Variants in OSBPL1A observed in about 807,000 individuals in gnomAD.
OSBPL1A encodes the protein oxysterol binding protein like 1A, also known as oxysterol-binding protein-related protein 1.
A neutral mutation model predicts 137.1 loss-of-function variants in OSBPL1A; 80 were observed. That is an observed-to-expected ratio of 0.58 (90% CI 0.49 to 0.70). The LOEUF (loss-of-function observed/expected upper bound fraction) is 0.70, where lower values mean the gene tolerates loss of function less well. Among genes scored for constraint, OSBPL1A ranks in the 30% least tolerant of loss-of-function variants. The pLI is 0.00. For synonymous variants in OSBPL1A, 365 were observed against 389.7 expected, an observed-to-expected ratio of 0.94 and a Z score of 0.75; for missense variants, 970 against 1,129.4, an observed-to-expected ratio of 0.86 and a Z score of 2.02.
intron 4 of OSBPL1A, chr18:24,364,718 G>T (rs919025997): frequency 6.6e-6 from 1 of 151,870 alleles, no homozygotes; most frequent in Non-Finnish European, 1.5e-5. Flanking sequence ...AGGACTGCAA[G>T]ATCTCTATGT....
chr18:24,283,638 A>T (rs1202372512), intron 14 of OSBPL1A, among the ~76,000 whole-genome samples: 1 of 152,136 alleles, frequency 6.6e-6, no homozygotes, highest in Non-Finnish European at 1.5e-5. Flanking sequence ...CTGTGGACCG[A>T]GGACTGAGGA....
chr18:24,345,109 C>A (rs1347182988), intron 4 of OSBPL1A, among the ~76,000 whole-genome samples: 1 of 151,590 alleles, frequency 6.6e-6, no homozygotes, highest in Non-Finnish European at 1.5e-5. Flanking sequence ...TGAGCCACTG[C>A]ACCCAGCTGA....
At chr18:24,396,240 GAGAC>G (rs921179198) in intron 1 of OSBPL1A, among the ~76,000 whole-genome samples, 2 of 132,980 alleles carry the variant, frequency 1.5e-5, no homozygotes, top group Non-Finnish European at 3.3e-5. Flanking sequence ...AAAAAAAAAA[GAGAC>G]AGAGAAATCA....
At chr18:24,351,351 A>AAAAAAAAAAAAAAAAAAAG (rs2091437042) in intron 4 of OSBPL1A, among the ~76,000 whole-genome samples, 2 of 147,600 alleles carry the variant, frequency 1.4e-5, no homozygotes, top group African/African-American at 2.5e-5. Context: ...CTGTCTCAAA[A>AAAAAAAAAAAAAAAAAAAG]AAAAAAAAAA....
At chr18:24,340,862 C>T (rs1349696933) in intron 5 of OSBPL1A, among the ~76,000 whole-genome samples, 1 of 152,200 alleles carries the variant, frequency 6.6e-6, no homozygotes, top group Non-Finnish European at 1.5e-5. Context: ...GCACTGCCAC[C>T]TCTTACTGTC....
intron 17 of OSBPL1A, among the ~76,000 whole-genome samples, chr18:24,211,418 A>G (rs2087540987): frequency 6.6e-6 from 1 of 152,190 alleles, no homozygotes; most frequent in African/African-American, 2.4e-5. Context: ...TCAATCTGCG[A>G]TTTCTTACAT....
chr18:24,229,255 T>C (rs1184990652), intron 16 of OSBPL1A, among the ~76,000 whole-genome samples: 2 of 152,006 alleles, frequency 1.3e-5, no homozygotes, highest in Admixed American at 6.6e-5. Context: ...AGGGATGAGG[T>C]AGTCTCCCGA....
At chr18:24,272,131 CGG>C in intron 15 of OSBPL1A, 1 of 983,910 alleles carries the variant, frequency 1.0e-6, no homozygotes, top group African/African-American at 1.7e-5. Flanking sequence ...GAGGAGAGGT[CGG>C]GGACTGCTCC....
intron 4 of OSBPL1A, among the ~76,000 whole-genome samples, chr18:24,349,752 T>C (rs1255423979): frequency 4.7e-5 from 7 of 148,356 alleles, no homozygotes; most frequent in Non-Finnish European, 7.4e-5. Context: ...ACAACAACAG[T>C]GAACTCTGCC....
At chr18:24,174,824 A>G (rs878954817) in intron 21 of OSBPL1A, among the ~76,000 whole-genome samples, 1 of 151,782 alleles carries the variant, frequency 6.6e-6, no homozygotes, top group Admixed American at 6.6e-5. Context: ...CCTAGGATGG[A>G]GTGCAGTGGT....
At chr18:24,293,604 T>TGA (rs2090231656) in intron 14 of OSBPL1A, among the ~76,000 whole-genome samples, 1 of 151,054 alleles carries the variant, frequency 6.6e-6, no homozygotes, top group Non-Finnish European at 1.5e-5. Context: ...AGGAAGGGAG[T>TGA]GACTACGCCA....
chr18:24,204,058 G>T (rs2087297422), intron 17 of OSBPL1A, among the ~76,000 whole-genome samples: 1 of 152,134 alleles, frequency 6.6e-6, no homozygotes, highest in South Asian at 2.1e-4. Flanking sequence ...AGAGCACCGG[G>T]GTTAAAACTG....
Position 24,367,228 on chromosome 18 carries a change from T to TTATA in OSBPL1A, c.208-266_208-263dup, listed in dbSNP as rs35876308. 8.7e-3 allele frequency among the ~76,000 whole-genome samples: 1,287 copies of TTATA among 147,130 alleles called. 18 individuals are homozygous for TTATA. Among genetic ancestry groups the TTATA allele is most frequent in the African/African-American group, 0.024 (977 of 39,962 alleles). ...TCTGGCACTATAGCGAGACTCCATCTTATATATATATATATATATGTACAC... is the reference window on the plus strand; with the variant it reads ...TCTGGCACTATAGCGAGACTCCATCTTATATATATATATATATATATATGTACAC... On this transcript the variant is annotated intron_variant, in intron 3 of 27. Transcript: ENST00000319481.
At chr18:24,354,499 G>A (rs1254053607) in intron 4 of OSBPL1A, among the ~76,000 whole-genome samples, 4 of 152,088 alleles carry the variant, frequency 2.6e-5, no homozygotes, top group Admixed American at 2.0e-4. Flanking sequence ...GGAAGGTGAA[G>A]CCTGAGGTGC....
chr18:24,167,363 C>G lies in OSBPL1A; in HGVS notation c.2501G>C (p.Trp834Ser). 1 of 1,614,222 alleles carries G rather than the reference C, an allele frequency of 6.2e-7. No homozygotes were observed. Among genetic ancestry groups the G allele is most frequent in the Non-Finnish European group, 8.5e-7 (1 of 1,180,044 alleles). ...ATTTGGAGGCCGTGGGGCTATTCGC[C>G]ATAGAAGAACGCTTCCAGGGATAAT... is the stretch of plus-strand genomic sequence containing the variant. ...VFIIPGSVLL[W>S]RIAPRPPNSA... Residue 834 changes from tryptophan to serine, a missense_variant, in exon 25 of 28, where the codon TGG (tryptophan) becomes TCG (serine). Coordinates refer to ENST00000319481, the MANE Select transcript of OSBPL1A (RefSeq NM_080597.4).
intron 4 of OSBPL1A, among the ~76,000 whole-genome samples, chr18:24,346,810 T>C (rs1478344099): frequency 6.6e-6 from 1 of 152,124 alleles, no homozygotes; most frequent in Non-Finnish European, 1.5e-5. Flanking sequence ...GGCATGATCA[T>C]AGTCACTGCA....
chr18:24,356,999 G>A (rs1000913038), intron 4 of OSBPL1A: 6 of 152,138 alleles, frequency 3.9e-5, no homozygotes, highest in African/African-American at 1.4e-4. Flanking sequence ...AAGACAGTTT[G>A]GATTCACATG....
intron 18 of OSBPL1A, among the ~76,000 whole-genome samples, chr18:24,185,140 G>GT (rs1191278556): frequency 6.6e-6 from 1 of 152,092 alleles, no homozygotes; most frequent in Non-Finnish European, 1.5e-5. Context: ...AAGGTCAGTG[G>GT]TTGCCCAGGG....
intron 18 of OSBPL1A, 96 bp downstream of exon 18, chr18:24,196,029 C>T (rs760385706): frequency 1.6e-4 from 150 of 943,980 alleles, no homozygotes; most frequent in Middle Eastern, 3.1e-4. Flanking sequence ...TAAACGTTGT[C>T]GTGCACCACT....
Sources: allele counts gnomAD v4.1 joint callset (sites outside exome capture counted in the v4.1 genomes callset), GRCh38; gene constraint gnomAD v4.1.1; transcripts MANE v1.5; gene names NCBI Gene and HGNC (gene_info 2026-07-23, HGNC 2026-07-21).